The following SPATA13 variants were observed in gnomAD, a reference collection of about 807,000 sequenced individuals.
SPATA13 encodes the protein spermatogenesis-associated protein 13.
Under a neutral mutation model 104.0 loss-of-function variants are expected in SPATA13, and 50 were observed. The observed-to-expected ratio is 0.48, with a 90% CI of 0.38 to 0.61. SPATA13 has a LOEUF of 0.61. Among genes scored for constraint, SPATA13 ranks in the 20% least tolerant of loss-of-function variants. The pLI, the probability that SPATA13 is intolerant of heterozygous loss-of-function variation, is 0.00. For synonymous variants in SPATA13, 606 were observed against 667.5 expected, an observed-to-expected ratio of 0.91 and a Z score of 1.42; for missense variants, 1,524 against 1,690.6, an observed-to-expected ratio of 0.90 and a Z score of 1.73.
intron 1 of SPATA13, among the ~76,000 whole-genome samples, chr13:24,198,270 G>A (rs1214170178): frequency 2.6e-5 from 4 of 152,110 alleles, no homozygotes; most frequent in Non-Finnish European, 5.9e-5. Context: ...TGAGATTACA[G>A]GCGTGAGCCA....
At chr13:24,285,798 A>C (rs930577670) in intron 5 of SPATA13, among the ~76,000 whole-genome samples, 1 of 151,114 alleles carries the variant, frequency 6.6e-6, no homozygotes, top group Non-Finnish European at 1.5e-5. Context: ...CTCCAGCCTC[A>C]GCCTCCCGAG....
chr13:24,280,875 T>G (rs1475206008), intron 4 of SPATA13, among the ~76,000 whole-genome samples: 1 of 152,106 alleles, frequency 6.6e-6, no homozygotes, highest in Non-Finnish European at 1.5e-5. Flanking sequence ...GCTCTCCGAC[T>G]GTACGCACCC....
At position 24,008,490 on chromosome 13, in the gene SPATA13, A is replaced by G. The variant is rs1317259816; in HGVS notation, c.-146-9177A>G. On this transcript the variant is annotated intron_variant, in intron 2 of 14. Transcript: ENST00000424834. ...AGGGCGGTGCCCCCAGCCCCTCCACAGCTCTCCAGGTGGACGGTCTTGTTG... is the reference window on the plus strand; with the variant it reads ...AGGGCGGTGCCCCCAGCCCCTCCACGGCTCTCCAGGTGGACGGTCTTGTTG... 1.7e-4 allele frequency among the ~76,000 whole-genome samples: 26 copies of G among 152,076 alleles called. 1 individual carries two copies. Among genetic ancestry groups the G allele is most frequent in the Admixed American group, 1.7e-3 (26 of 15,268 alleles).
intron 9 of SPATA13, among the ~76,000 whole-genome samples, chr13:24,292,011 C>T (rs1343638375): frequency 1.3e-5 from 2 of 152,048 alleles, no homozygotes; most frequent in Non-Finnish European, 2.9e-5. Flanking sequence ...CCGCCTCGGC[C>T]TCCCAAAGTG....
At chr13:24,060,867 C>T (rs1012765514) in intron 3 of SPATA13, among the ~76,000 whole-genome samples, 3 of 152,130 alleles carry the variant, frequency 2.0e-5, no homozygotes, top group Non-Finnish European at 2.9e-5. Context: ...GGCAAAACCC[C>T]GCCTCTACTA....
intron 3 of SPATA13, among the ~76,000 whole-genome samples, chr13:24,134,693 A>C (rs1345834764): frequency 2.0e-5 from 3 of 152,086 alleles, no homozygotes; most frequent in African/African-American, 4.8e-5. Flanking sequence ...GTCGTGACCC[A>C]CTGTTCCAGC....
At chr13:24,014,629 G>A (rs1876626894) in intron 2 of SPATA13, among the ~76,000 whole-genome samples, 1 of 152,122 alleles carries the variant, frequency 6.6e-6, no homozygotes, top group African/African-American at 2.4e-5. Context: ...TCATCCTGTG[G>A]TCTGTTAGTT....
chr13:24,293,058 T>A lies in SPATA13; in HGVS notation c.3081-1681T>A, dbSNP rs1405084161. Among the ~76,000 whole-genome samples, 3 of 131,640 alleles carry A rather than the reference T, an allele frequency of 2.3e-5. No individual in the cohort carries two copies. In the East Asian group the frequency reaches 6.7e-4, roughly 29 times the overall value. The allele number at this position is 131,640 out of a possible 152,430, so 86.4% of individuals were successfully genotyped here. A position where few individuals can be genotyped will look rare whatever the true frequency, so the allele number is the denominator to read the frequency against. The stretch of plus-strand genomic sequence containing the variant: ...TGGGGAGAGCCTTCTTACAATTAGA[T>A]TGGAAAGTAAAGAATAAGAGCAGAT... On this transcript the variant is annotated intron_variant, in intron 9 of 12. Coordinates refer to ENST00000382108, the MANE Select transcript of SPATA13 (RefSeq NM_001166271.3).
intron 1 of SPATA13, among the ~76,000 whole-genome samples, chr13:24,199,223 G>A (rs1198783102): frequency 6.6e-6 from 1 of 152,134 alleles, no homozygotes; most frequent in Non-Finnish European, 1.5e-5. Context: ...GGAAATCTCA[G>A]AGGTTTGGAA....
intron 4 of SPATA13, among the ~76,000 whole-genome samples, chr13:24,252,423 C>T (rs1873545080): frequency 6.6e-6 from 1 of 152,200 alleles, no homozygotes; most frequent in South Asian, 2.1e-4. Context: ...AAGACTATTT[C>T]CAAATAAGGT....
intron 1 of SPATA13, among the ~76,000 whole-genome samples, chr13:24,167,415 G>C (rs1418229155): frequency 1.3e-5 from 2 of 152,200 alleles, no homozygotes; most frequent in Non-Finnish European, 2.9e-5. Context: ...AATTCTGTAA[G>C]CTAATCCCAG....
At position 24,008,469 on chromosome 13, in the gene SPATA13, C is replaced by T. The variant is rs375947610; in HGVS notation, c.-146-9198C>T. On this transcript the variant is annotated intron_variant, in intron 2 of 14. Coordinates refer to the SPATA13 transcript ENST00000424834. ...CGTCATGGGCCACCATGAAAGAGGG[C>T]GGTGCCCCCAGCCCCTCCACAGCTC... Among the ~76,000 whole-genome samples the T allele has an allele frequency of 7.2e-5, 11 of 152,256 alleles. No homozygotes were observed. The East Asian group carries it at 7.7e-4, about 11-fold the overall frequency.
At chr13:24,291,473 A>G (rs1876341553) in intron 9 of SPATA13, among the ~76,000 whole-genome samples, 1 of 152,218 alleles carries the variant, frequency 6.6e-6, no homozygotes, top group Non-Finnish European at 1.5e-5. Context: ...GTGCAAACCC[A>G]TATGGGGCAG....
At chr13:24,244,846 C>T (rs9507292) in intron 2 of SPATA13, among the ~76,000 whole-genome samples, 24,767 of 152,190 alleles carry the variant, frequency 0.16, 2,346 homozygotes, top group African/African-American at 0.27. Context: ...CAGAGTGAGA[C>T]TGTCGCAAAA....
chr13:24,015,050 C>A (rs968399631), intron 2 of SPATA13, among the ~76,000 whole-genome samples: 77 of 152,112 alleles, frequency 5.1e-4, no homozygotes, highest in African/African-American at 1.8e-3. Context: ...GCCACCACGC[C>A]TGGCTAATTT....
At chr13:24,173,362 T>TTGTGTGTGTGTGTGTGTG (rs60850610) in intron 1 of SPATA13, among the ~76,000 whole-genome samples, 3 of 146,722 alleles carry the variant, frequency 2.0e-5, no homozygotes, top group East Asian at 4.0e-4. Flanking sequence ...TAGTTCTTAG[T>TTGTGTGTGTGTGTGTGTG]TGTGTGTGTG....
At chr13:24,053,570 C>T (rs1290775910) in intron 3 of SPATA13, among the ~76,000 whole-genome samples, 1 of 152,102 alleles carries the variant, frequency 6.6e-6, no homozygotes, top group East Asian at 1.9e-4. Flanking sequence ...ACTTCCCTTG[C>T]CACCTGGGCC....
rs1873625017 is a variant in SPATA13, at chr13:24,253,600, C to T, written c.2164+1738C>T. ...TACATTTCAGCATTTGAACAGATTC[C>T]ATAAGTCAATATGTAGGATGCACCA... is the stretch of plus-strand genomic sequence containing the variant. On this transcript the variant is annotated intron_variant, in intron 4 of 12. Transcript: ENST00000382108. 2.0e-5 allele frequency among the ~76,000 whole-genome samples: 3 copies of T among 152,156 alleles called. No homozygotes were observed. The South Asian group carries it at 6.2e-4, about 32-fold the overall frequency.
At chr13:24,162,537 C>T (rs934016758) in intron 1 of SPATA13, 2 of 155,792 alleles carry the variant, frequency 1.3e-5, no homozygotes, top group Non-Finnish European at 2.9e-5. Flanking sequence ...TCAGGACCCT[C>T]CCTTCTGCCA....
Sources: allele counts gnomAD v4.1 joint callset (sites outside exome capture counted in the v4.1 genomes callset), GRCh38; gene constraint gnomAD v4.1.1; transcripts MANE v1.5; gene names NCBI Gene and HGNC (gene_info 2026-07-23, HGNC 2026-07-21).